C2: variants seen among roughly 807,000 people sequenced by gnomAD.
C2 encodes C3/C5 convertase.
A neutral mutation model predicts 85.2 loss-of-function variants in C2; 64 were observed. That is an observed-to-expected ratio of 0.75 (90% confidence interval 0.61 to 0.92). The LOEUF is 0.92. Among genes scored for constraint, C2 ranks in the 40% least tolerant of loss-of-function variants. The pLI is 0.00. For synonymous variants in C2, 311 were observed against 370.8 expected (o/e 0.84, Z 1.85); for missense variants, 820 against 971.6 (o/e 0.84, Z 2.07).
rs2151757410 is a variant in C2, at chr6:31,935,700, C to T, written c.850-223C>T. Among the ~76,000 whole-genome samples, 1 of 152,140 alleles carries T rather than the reference C, an allele frequency of 6.6e-6. No homozygotes were observed. Among genetic ancestry groups the T allele is most frequent in the South Asian group, 2.1e-4 (1 of 4,818 alleles). On this transcript the variant is annotated intron_variant, in intron 6 of 17. Coordinates refer to ENST00000299367, the MANE Select transcript of C2 (RefSeq NM_000063.6). The surrounding 1 kb of genome is among the most constrained non-coding windows in gnomAD (Gnocchi z 4.3). ...GTCAGGCTGGTCTCGAACTCCTGACCTCAGGTGATCCACCTGCCTAAAGTG... is the reference window on the plus strand; with the variant it reads ...GTCAGGCTGGTCTCGAACTCCTGACTTCAGGTGATCCACCTGCCTAAAGTG...
Position 31,933,625 on chromosome 6 carries a change from A to G in C2, c.458A>G (p.Asn153Ser). ...VCDNGAGHCP[N>S]PGISLGAVRT... ...TCACTCGCAGCTGGCCACTGCCCCA[A>G]CCCAGGCATTTCACTGGGCGCAGTG... is the stretch of plus-strand genomic sequence containing the variant. Residue 153 changes from asparagine to serine, a missense_variant, in exon 4 of 18, where the codon AAC becomes AGC. Physicochemically the swap from Asn to Ser is conservative, Grantham distance 46. Transcript: ENST00000299367. 1.2e-6 allele frequency: 2 copies of G among 1,613,032 alleles called. No homozygotes were observed. Among genetic ancestry groups the G allele is most frequent in the South Asian group, 1.1e-5 (1 of 91,080 alleles).
At chr6:31,916,545 TGA>T (rs1768516679), upstream of C2, among the ~76,000 whole-genome samples, 1 of 116,832 alleles carries the variant, frequency 8.6e-6, no homozygotes, top group Non-Finnish European at 1.7e-5. Flanking sequence ...GGCAACAGAG[TGA>T]GACTCCGTCT....
At chr6:31,938,162 G>A (rs752026779) in intron 8 of C2, among the ~76,000 whole-genome samples, 12 of 152,122 alleles carry the variant, frequency 7.9e-5, no homozygotes, top group Non-Finnish European at 1.6e-4. Flanking sequence ...CTCTGTGTTA[G>A]CTCTTGTTAC....
chr6:31,919,648 CCCT>C (rs1768826727), upstream of C2, among the ~76,000 whole-genome samples: 1 of 152,160 alleles, frequency 6.6e-6, no homozygotes, highest in Non-Finnish European at 1.5e-5. Flanking sequence ...TATCCTCTTT[CCCT>C]CCTTTTTTTG....
intron 1 of C2, among the ~76,000 whole-genome samples, chr6:31,912,091 G>C (rs1768152490): frequency 6.6e-6 from 1 of 152,094 alleles, no homozygotes; most frequent in Non-Finnish European, 1.5e-5. Flanking sequence ...ATTTCTACAA[G>C]TTCCTGCTGA....
chr6:31,934,483 C>T, intron 6 of C2, 184 bp downstream of exon 6: 1 of 1,204,880 alleles, frequency 8.3e-7, no homozygotes. Flanking sequence ...ATTCCACAAG[C>T]ACTGTTGGGA....
In C2 at chr6:31,944,565, G is replaced by T. The variant is rs1196070586; in HGVS notation, c.1903-162G>T. On this transcript the variant is annotated intron_variant, in intron 15 of 17. Coordinates refer to ENST00000299367, the MANE Select transcript of C2 (RefSeq NM_000063.6). This position sits in a 1 kb window ranked among gnomAD's most constrained non-coding sequence, Gnocchi z 5.1. The stretch of plus-strand genomic sequence containing the variant: ...CCAGCTAATTTTTGTATTTTTAGTA[G>T]AGACGGGATTTCGCCATGTTGGCCA... Among the ~76,000 whole-genome samples the T allele has an allele frequency of 6.6e-6, 1 of 152,146 alleles. No individual in the cohort carries two copies. The highest frequency in any genetic ancestry group is 1.5e-5 in the Non-Finnish European group (1 of 68,016).
chr6:31,940,984 T>C (rs497239), intron 9 of C2, among the ~76,000 whole-genome samples: 17,822 of 152,174 alleles, frequency 0.12, 1,220 homozygotes, highest in African/African-American at 0.19. Context: ...CTGTGGTCTG[T>C]CTGAGGGCAG....
In C2 at chr6:31,901,237, C is replaced by G. The variant is rs747092412; in HGVS notation, c.73+98C>G. 4 of 1,613,442 alleles carry G rather than the reference C, an allele frequency of 2.5e-6. No homozygotes were observed. In the Admixed American group the frequency reaches 6.7e-5, roughly 27 times the overall value. ...ACCGCTCCTCTGCCCGGAGCTGGTTCATGTTCCGTAGCGTTGCGGCCTCGT... is the reference window on the plus strand; with the variant it reads ...ACCGCTCCTCTGCCCGGAGCTGGTTGATGTTCCGTAGCGTTGCGGCCTCGT... On this transcript the variant is annotated intron_variant, in intron 1 of 3. Transcript: ENST00000452202.
chr6:31,937,211 A>G, intron 7 of C2, 108 bp from the exon 8 acceptor site: 1 of 1,356,782 alleles, frequency 7.4e-7, no homozygotes, highest in Non-Finnish European at 1.0e-6. Flanking sequence ...TCTCTCAAAA[A>G]AAAAAAAAAA....
In C2 at chr6:31,933,783, C is replaced by T. The variant is rs759980745; in HGVS notation, c.616C>T (p.Gln206Ter). 4 of 1,613,696 alleles carry T rather than the reference C, an allele frequency of 2.5e-6. No individual in the cohort carries two copies. The highest frequency in any genetic ancestry group is 2.2e-5 in the East Asian group (1 of 44,892). ...VWSGTEPICRQPYSYDFPEDV... is the reference protein window; with the variant it reads ...VWSGTEPICR ...GAGTGGAACGGAGCCCATCTGCCGC[C>T]GTGAGTAGCTGCCCTGCCCTCCTGA... is the stretch of plus-strand genomic sequence containing the variant. Residue 206 changes from glutamine to a stop codon, truncating the protein, a stop_gained and splice_region_variant, in exon 4 of 18, where the codon CAA becomes TAA. Transcript: ENST00000299367. LOFTEE classifies it high-confidence loss of function.
In C2 at chr6:31,904,536, A is replaced by T. The variant is rs189464203; in HGVS notation, c.73+3397A>T. Among the ~76,000 whole-genome samples, 1 of 151,732 alleles carries T rather than the reference A, an allele frequency of 6.6e-6. No homozygotes were observed. Among genetic ancestry groups the T allele is most frequent in the Admixed American group, 6.6e-5 (1 of 15,232 alleles). On this transcript the variant is annotated intron_variant, in intron 1 of 3. Coordinates refer to the C2 transcript ENST00000452202. The surrounding 1 kb of genome is among the most constrained non-coding windows in gnomAD (Gnocchi z 4.4). ...ACCATGTTGGCCAGGCTGGTCTCGA[A>T]CTCCTGACCTCGGGTGATCCACCTT...
At chr6:31,919,550 C>A (rs1426571176), upstream of C2, among the ~76,000 whole-genome samples, 3 of 152,172 alleles carry the variant, frequency 2.0e-5, no homozygotes, top group Non-Finnish European at 2.9e-5. Context: ...TTCCAGCCCC[C>A]AGTTCTCCCC....
chr6:31,945,267 G>C lies in C2; in HGVS notation c.2169G>C (p.Pro723=), dbSNP rs768592636. 6.2e-7 allele frequency: 1 copy of C among 1,612,860 alleles called. No homozygotes were observed. The highest frequency in any genetic ancestry group is 1.1e-5 in the South Asian group (1 of 91,076). The part of the protein sequence containing the change: ...SRKRAPRSKV[P]PPRDFHINLF... ...AAAGGGCCCCTCGTAGCAAGGTCCC[G>C]CCGCCACGAGACTTTCACATCAATC... The change falls in exon 18 of 18, where the codon CCG becomes CCC. Residue 723 remains proline, a synonymous_variant. Transcript: ENST00000299367. The surrounding 1 kb of genome is among the most constrained non-coding windows in gnomAD (Gnocchi z 5.3).
chr6:31,923,159 C>T (rs1044578195), upstream of C2, among the ~76,000 whole-genome samples: 4 of 152,154 alleles, frequency 2.6e-5, no homozygotes, highest in African/African-American at 9.7e-5. Flanking sequence ...AAAAGCTAAT[C>T]GGGAGTGCCG....
At chr6:31,925,450 G>A (rs1174415885), upstream of C2, among the ~76,000 whole-genome samples, 1 of 151,966 alleles carries the variant, frequency 6.6e-6, no homozygotes, top group Non-Finnish European at 1.5e-5. Flanking sequence ...ATGCCACCAC[G>A]CCCAGCTAAT....
chr6:31,906,234 A>T (rs925418680), intron 1 of C2, among the ~76,000 whole-genome samples: 1 of 151,972 alleles, frequency 6.6e-6, no homozygotes, highest in Admixed American at 6.6e-5. Context: ...TGCTTGGGGA[A>T]AGAAGCCATG....
chr6:31,926,996 G>A (rs1343345915), upstream of C2, among the ~76,000 whole-genome samples: 1 of 152,140 alleles, frequency 6.6e-6, no homozygotes, highest in East Asian at 1.9e-4. Context: ...ATTCCTTTGA[G>A]TAACCAACCC....
chr6:31,903,279 A>C (rs1172151468), intron 1 of C2, among the ~76,000 whole-genome samples: 1 of 152,196 alleles, frequency 6.6e-6, no homozygotes, highest in Non-Finnish European at 1.5e-5. Context: ...TTTCCCCATT[A>C]GACTATAAAC....
Sources: gnomAD v4.1 joint callset for allele counts (sites outside exome capture counted in the v4.1 genomes callset) on GRCh38, gnomAD v4.1.1 for gene constraint, Gnocchi (gnomAD v3.1) non-coding constraint, MANE v1.5 for transcripts, NCBI Gene and HGNC (gene_info 2026-07-23, HGNC 2026-07-21) for gene names.